Variants in CDKN2A observed in about 807,000 individuals in gnomAD.
CDKN2A encodes cyclin-dependent kinase inhibitor 2A.
CDKN2A carries 3 observed loss-of-function variants against 11.1 expected under a neutral mutation model. That is an observed-to-expected ratio of 0.27 (90% CI 0.12 to 0.70). The LOEUF is 0.70. Ranked by LOEUF, CDKN2A falls within the 30% of genes least tolerant of loss-of-function variation. The pLI, the probability that CDKN2A is intolerant of heterozygous loss-of-function variation, is 0.77. For missense variants in CDKN2A, 265 were observed against 233.6 expected (o/e 1.13, Z -0.88); for synonymous variants, 122 against 108.1 (o/e 1.13, Z -0.80).
Position 21,968,485 on chromosome 9 carries a change from C to A in CDKN2A, c.458-243G>T. 6.9e-7 allele frequency: 1 copy of A among 1,458,516 alleles called. No individual in the cohort carries two copies. Among genetic ancestry groups the A allele is most frequent in the Non-Finnish European group, 9.0e-7 (1 of 1,112,354 alleles). 90.3% of individuals were successfully genotyped at this position (1,458,516 alleles called of 1,614,324 possible). A position where few individuals can be genotyped will look rare whatever the true frequency, so the allele number is the denominator to read the frequency against. ...ACCGCTCAAGCGCTCCAGGTCCACC[C>A]GGCGGAGGGCAGAGAAAGCGCGACC... On this transcript the variant is annotated intron_variant, in intron 2 of 2. Transcript: ENST00000304494. The surrounding 1 kb of genome is among the most constrained non-coding windows in gnomAD (Gnocchi z 4.7).
rs928813316 is a variant in CDKN2A at position 21,968,600 on chromosome 9, T to C, written c.458-358A>G. Reference sequence around the variant, plus strand: ...AATGCCAGGCGCGAAGGCGTGAAGATGTGGCCTTTCCCTTCCCGCATCCCC... The same window carrying C: ...AATGCCAGGCGCGAAGGCGTGAAGACGTGGCCTTTCCCTTCCCGCATCCCC... On this transcript the variant is annotated intron_variant, in intron 2 of 2. Coordinates refer to ENST00000304494, the MANE Select transcript of CDKN2A (RefSeq NM_000077.5). The surrounding 1 kb of genome is among the most constrained non-coding windows in gnomAD (Gnocchi z 4.7). 89 of 1,494,616 alleles carry C rather than the reference T, an allele frequency of 6.0e-5. 1 individual carries two copies. The Admixed American group carries it at 8.9e-4, about 15-fold the overall frequency. 92.6% of individuals were successfully genotyped at this position (1,494,616 alleles called of 1,614,324 possible). A position where few individuals can be genotyped will look rare whatever the true frequency, so the allele number is the denominator to read the frequency against.
At chr9:21,986,798 C>A (rs1345371656) in intron 2 of CDKN2A, among the ~76,000 whole-genome samples, 1 of 151,982 alleles carries the variant, frequency 6.6e-6, no homozygotes, top group African/African-American at 2.4e-5. Flanking sequence ...TATTCAACTT[C>A]AACTATTCAG....
chr9:21,973,125 T>C (rs1473716483), intron 1 of CDKN2A, among the ~76,000 whole-genome samples: 1 of 152,226 alleles, frequency 6.6e-6, no homozygotes, highest in African/African-American at 2.4e-5. Context: ...TCCTTCGTCT[T>C]GGTCATAAAA....
At chr9:21,994,046 A>C (rs1271532920) in exon 2 of CDKN2A, 3 of 1,412,446 alleles carry the variant, frequency 2.1e-6, no homozygotes, top group Non-Finnish European at 2.9e-6. Flanking sequence ...TCCTCCTCCT[A>C]GCCTGGGCTA....
chr9:21,981,282 G>A (rs1330945454), intron 2 of CDKN2A, among the ~76,000 whole-genome samples: 4 of 149,814 alleles, frequency 2.7e-5, no homozygotes, highest in Admixed American at 1.3e-4. Flanking sequence ...ATCATTTGAG[G>A]AGGGAAGACT....
chr9:21,970,833 T>C, intron 2 of CDKN2A, 69 bp downstream of exon 2: 1 of 1,582,264 alleles, frequency 6.3e-7, no homozygotes, highest in Non-Finnish European at 8.6e-7. Context: ...GAACTTTCTG[T>C]GCTGGAAAAT....
chr9:21,975,007 C>T (rs145660371), upstream of CDKN2A: 1,553 of 1,385,832 alleles, frequency 1.1e-3, 10 homozygotes, highest in African/African-American at 0.018. Context: ...TCTTTCCAGG[C>T]AAGGGGACGC....
At chr9:21,971,574 G>GTTTTTTTTTTTTTTTTTT (rs1172457321) in intron 1 of CDKN2A, among the ~76,000 whole-genome samples, 1 of 54,082 alleles carries the variant, frequency 1.8e-5, no homozygotes, top group African/African-American at 1.6e-4. Context: ...TAGGCCTGGA[G>GTTTTTTTTTTTTTTTTTT]ATTTTTTTTT....
intron 2 of CDKN2A, among the ~76,000 whole-genome samples, chr9:21,985,403 G>A (rs1428304076): frequency 6.6e-6 from 1 of 151,832 alleles, no homozygotes; most frequent in African/African-American, 2.4e-5. Context: ...AATGTCGTAA[G>A]GATGACAGTA....
At chr9:21,970,358 T>TG (rs1403626559) in intron 2 of CDKN2A, 1 of 267,958 alleles carries the variant, frequency 3.7e-6, no homozygotes, top group African/African-American at 2.2e-5. Flanking sequence ...GGGGCAGCTC[T>TG]GGAAAACTCT....
rs1161757426 is a variant in CDKN2A at position 21,968,172 on chromosome 9, C to T, written c.*57G>A. ...CGGGGGCAGTTGTGGCCCTGTAGGACCTTCGGTGACTGATGATCTAAGTTT... is the reference window on the plus strand; with the variant it reads ...CGGGGGCAGTTGTGGCCCTGTAGGATCTTCGGTGACTGATGATCTAAGTTT... On this transcript the variant is annotated 3_prime_UTR_variant, in exon 3 of 3. Coordinates refer to ENST00000304494, the MANE Select transcript of CDKN2A (RefSeq NM_000077.5). The surrounding 1 kb of genome is among the most constrained non-coding windows in gnomAD (Gnocchi z 4.7). 1 of 1,535,882 alleles carries T rather than the reference C, an allele frequency of 6.5e-7. No individual in the cohort carries two copies. Among genetic ancestry groups the T allele is most frequent in the East Asian group, 2.2e-5 (1 of 44,458 alleles).
At chr9:21,990,651 A>AGAG (rs1464228871) in intron 2 of CDKN2A, among the ~76,000 whole-genome samples, 4 of 147,736 alleles carry the variant, frequency 2.7e-5, no homozygotes, top group East Asian at 2.0e-4. Flanking sequence ...AGAGAGAGAG[A>AGAG]AACTGTTTAC....
intron 1 of CDKN2A, chr9:21,994,061 C>T (rs1820520042): frequency 6.8e-7 from 1 of 1,480,628 alleles, no homozygotes; most frequent in Non-Finnish European, 9.2e-7. Flanking sequence ...GGGCTAGAGA[C>T]GAATTATCTG....
At chr9:21,970,095 C>T (rs1587328893) in intron 2 of CDKN2A, 2 of 283,282 alleles carry the variant, frequency 7.1e-6, no homozygotes, top group South Asian at 1.7e-4. Flanking sequence ...ATGTTCCTCC[C>T]CCCAGAAACA....
At chr9:21,979,338 A>G (rs540208114), upstream of CDKN2A, among the ~76,000 whole-genome samples, 1 of 152,284 alleles carries the variant, frequency 6.6e-6, no homozygotes, top group East Asian at 1.9e-4. Flanking sequence ...TGGTTGTGAT[A>G]GTTCAAGGCC....
intron 1 of CDKN2A, among the ~76,000 whole-genome samples, chr9:21,973,787 C>A (rs1174729285): frequency 6.6e-6 from 1 of 152,202 alleles, no homozygotes; most frequent in African/African-American, 2.4e-5. Flanking sequence ...GAATGTGGCT[C>A]ATTATTTCCT....
rs1219137661 is a variant in CDKN2A, at chr9:21,968,699, C to T, written c.458-457G>A. Reference sequence around the variant, plus strand: ...CCAAAGGGCGCCTCAGGCTCTGGCGCTCCTCGGCGGAATCCCGTAGCTTCC... The same window carrying T: ...CCAAAGGGCGCCTCAGGCTCTGGCGTTCCTCGGCGGAATCCCGTAGCTTCC... On this transcript the variant is annotated intron_variant, in intron 2 of 2. Transcript: ENST00000304494. This position sits in a 1 kb window ranked among gnomAD's most constrained non-coding sequence, Gnocchi z 4.7. 1 of 1,536,038 alleles carries T rather than the reference C, an allele frequency of 6.5e-7. No homozygotes were observed.
In CDKN2A at chr9:21,968,292, G is replaced by A. The variant is rs769718733; in HGVS notation, c.458-50C>T. On this transcript the variant is annotated intron_variant, in intron 2 of 2. Coordinates refer to ENST00000304494, the MANE Select transcript of CDKN2A (RefSeq NM_000077.5). This position sits in a 1 kb window ranked among gnomAD's most constrained non-coding sequence, Gnocchi z 4.7. ...GCGTTAGAAACCTGAGGTCAAAGATGTGTGGCACATCCCGCCCTCCTCTCT... is the reference window on the plus strand; with the variant it reads ...GCGTTAGAAACCTGAGGTCAAAGATATGTGGCACATCCCGCCCTCCTCTCT... 18 of 1,603,602 alleles carry A rather than the reference G, an allele frequency of 1.1e-5. No individual in the cohort carries two copies. In the South Asian group the frequency reaches 1.7e-4, roughly 15 times the overall value.
chr9:21,969,852 C>T, intron 2 of CDKN2A: 1 of 398,132 alleles, frequency 2.5e-6, no homozygotes, highest in Non-Finnish European at 4.4e-6. Context: ...AACTTCGCGT[C>T]TTTAACTTCG....
Sources: allele counts gnomAD v4.1 joint callset (sites outside exome capture counted in the v4.1 genomes callset), GRCh38; gene constraint gnomAD v4.1.1; non-coding constraint Gnocchi (gnomAD v3.1); transcripts MANE v1.5; gene names NCBI Gene and HGNC (gene_info 2026-07-23, HGNC 2026-07-21).